The following HFM1 variants were observed in gnomAD, a reference collection of about 807,000 sequenced individuals.
HFM1 encodes the protein helicase for meiosis 1, also known as probable ATP-dependent DNA helicase HFM1.
HFM1 carries 169 observed loss-of-function variants against 192.1 expected under a neutral mutation model. That is an observed-to-expected ratio of 0.88 (90% CI 0.78 to 1.00). The LOEUF (loss-of-function observed/expected upper bound fraction) is 1.00, where lower values mean the gene tolerates loss of function less well. HFM1 is among the 50% of genes least tolerant of loss of function. The pLI is 0.00. For synonymous variants in HFM1, 525 were observed against 537.8 expected, an observed-to-expected ratio of 0.98 and a Z score of 0.33; for missense variants, 1,661 against 1,668.0, an observed-to-expected ratio of 1.00 and a Z score of 0.07.
chr1:91,359,792 C>A (rs572160386), intron 13 of HFM1, among the ~76,000 whole-genome samples: 1 of 152,050 alleles, frequency 6.6e-6, no homozygotes, highest in Non-Finnish European at 1.5e-5. Context: ...ATACTCCACA[C>A]GAACATCAAC....
At chr1:91,400,318 A>T (rs1664159442) in intron 2 of HFM1, among the ~76,000 whole-genome samples, 1 of 152,120 alleles carries the variant, frequency 6.6e-6, no homozygotes. Context: ...TAATGTGCCT[A>T]TCATACTTTG....
At chr1:91,381,960 G>C (rs191991848) in intron 6 of HFM1, among the ~76,000 whole-genome samples, 96 of 151,946 alleles carry the variant, frequency 6.3e-4, no homozygotes, top group Admixed American at 5.6e-3. Flanking sequence ...TGGCTATAAG[G>C]CTCCACATGA....
chr1:91,373,307 C>T (rs551367655), intron 13 of HFM1, among the ~76,000 whole-genome samples: 1 of 152,164 alleles, frequency 6.6e-6, no homozygotes, highest in East Asian at 1.9e-4. Context: ...CCCCACCATA[C>T]AAAATTAGGC....
Position 91,401,295 on chromosome 1 carries a change from C to A in HFM1, c.-27-186G>T, listed in dbSNP as rs2102215240. ...CATACATTATTCTCTGTTTTCCATT[C>A]ATTCATGGATTCACACTTGCTCCCT... On this transcript the variant is annotated intron_variant, in intron 1 of 38. Coordinates refer to ENST00000370425, the MANE Select transcript of HFM1 (RefSeq NM_001017975.6). 1.3e-5 allele frequency among the ~76,000 whole-genome samples: 2 copies of A among 152,326 alleles called. 1 individual carries two copies. Among genetic ancestry groups the A allele is most frequent in the South Asian group, 4.1e-4 (2 of 4,832 alleles).
chr1:91,274,859 T>A, intron 32 of HFM1, 50 bp from the exon 33 acceptor site: 1 of 902,332 alleles, frequency 1.1e-6, no homozygotes. Flanking sequence ...CATCAATAAC[T>A]TGTAACACAT....
Position 91,375,665 on chromosome 1 carries a change from A to G in HFM1, c.1458T>C (p.His486=). The G allele has an allele frequency of 6.2e-7, 1 of 1,613,440 alleles. No individual in the cohort carries two copies. Among genetic ancestry groups the G allele is most frequent in the Admixed American group, 1.7e-5 (1 of 59,904 alleles). The change falls in exon 12 of 39, where the codon CAT becomes CAC. Residue 486 remains histidine, a synonymous_variant. Coordinates refer to ENST00000370425, the MANE Select transcript of HFM1 (RefSeq NM_001017975.6). ...PAVCLKMDES[H]RPVKLQKVVL... ...CCACTTTCTGAAGTTTCACTGGTCTATGGCTCTCATCCATTTTCAGACACA... is the reference window on the plus strand; with the variant it reads ...CCACTTTCTGAAGTTTCACTGGTCTGTGGCTCTCATCCATTTTCAGACACA...
At chr1:91,390,703 G>A (rs1233204037) in intron 4 of HFM1, among the ~76,000 whole-genome samples, 1 of 152,278 alleles carries the variant, frequency 6.6e-6, no homozygotes, top group East Asian at 1.9e-4. Context: ...ACAAGACAGG[G>A]ATGCCCTCTC....
intron 11 of HFM1, among the ~76,000 whole-genome samples, chr1:91,376,650 G>GTAGT (rs1429304619): frequency 2.0e-5 from 3 of 151,616 alleles, no homozygotes; most frequent in African/African-American, 7.3e-5. Flanking sequence ...AGAACTCAAA[G>GTAGT]TAGTTGATAA....
At chr1:91,264,172 G>A (rs1374020589) in intron 36 of HFM1, among the ~76,000 whole-genome samples, 1 of 152,020 alleles carries the variant, frequency 6.6e-6, no homozygotes, top group African/African-American at 2.4e-5. Flanking sequence ...TGTCTTGGTA[G>A]AGGTGGCATG....
chr1:91,383,062 T>A (rs1661750933), intron 6 of HFM1, among the ~76,000 whole-genome samples: 1 of 152,150 alleles, frequency 6.6e-6, no homozygotes, highest in Admixed American at 6.6e-5. Flanking sequence ...AGTCTTCCAC[T>A]TTAAAATACA....
intron 2 of HFM1, among the ~76,000 whole-genome samples, chr1:91,397,336 C>T (rs1201421092): frequency 3.9e-5 from 6 of 152,120 alleles, no homozygotes; most frequent in African/African-American, 1.2e-4. Context: ...CAACTGTGAT[C>T]GTGTTAACTG....
chr1:91,353,279 G>T lies in HFM1; in HGVS notation c.1706C>A (p.Ser569Tyr). ...QKQRLQKYAY[S>Y]VRDSKLRDIL... is the part of the protein sequence containing the mutation. The stretch of plus-strand genomic sequence containing the variant: ...ACCTCTCAGTTTTGAATCTCTTACG[G>T]AATATGCATACTTCTGTAACCTATT... The change falls in exon 14 of 39, where the codon TCC becomes TAC. Residue 569 changes from serine to tyrosine, a missense_variant. Ser to Tyr is a moderately radical substitution (Grantham distance 144). Coordinates refer to ENST00000370425, the MANE Select transcript of HFM1 (RefSeq NM_001017975.6). 1.3e-6 allele frequency: 2 copies of T among 1,576,708 alleles called. No individual in the cohort carries two copies. The highest frequency in any genetic ancestry group is 1.7e-6 in the Non-Finnish European group (2 of 1,148,382).
intron 13 of HFM1, among the ~76,000 whole-genome samples, chr1:91,353,932 AAAAAACCAACC>A (rs1192883041): frequency 1.3e-5 from 2 of 151,048 alleles, no homozygotes; most frequent in Non-Finnish European, 3.0e-5. Flanking sequence ...TGAAAAAAAA[AAAAAACCAACC>A]AAAAAACCAG....
At chr1:91,270,374 C>CA (rs146518124) in intron 34 of HFM1, among the ~76,000 whole-genome samples, 1 of 145,782 alleles carries the variant, frequency 6.9e-6, no homozygotes, top group East Asian at 2.1e-4. Flanking sequence ...AAGAAGAAGA[C>CA]AGAGTTCAGA....
intron 13 of HFM1, among the ~76,000 whole-genome samples, chr1:91,373,457 T>C (rs760040772): frequency 6.6e-6 from 1 of 152,128 alleles, no homozygotes; most frequent in Non-Finnish European, 1.5e-5. Context: ...GTGCTAGCAC[T>C]CTGCTGAGAC....
At chr1:91,353,950 C>A (rs1657359737) in intron 13 of HFM1, among the ~76,000 whole-genome samples, 2 of 144,196 alleles carry the variant, frequency 1.4e-5, no homozygotes. Flanking sequence ...AACCAAAAAA[C>A]CAGGAAATAC....
chr1:91,324,801 C>T (rs751511621), intron 20 of HFM1, 35 bp from the exon 21 acceptor site: 3 of 1,110,880 alleles, frequency 2.7e-6, no homozygotes, highest in Non-Finnish European at 4.1e-6. Flanking sequence ...ACGGTCCCCT[C>T]ATCAGCTGAA....
At chr1:91,312,367 T>G (rs943373827) in intron 30 of HFM1, among the ~76,000 whole-genome samples, 1 of 152,030 alleles carries the variant, frequency 6.6e-6, no homozygotes, top group Admixed American at 6.5e-5. Context: ...GCCACAGGGG[T>G]GGATCTTCCC....
chr1:91,353,300 C>A lies in HFM1; in HGVS notation c.1686-1G>T, dbSNP rs780754362. On this transcript the variant is annotated splice_acceptor_variant, in intron 13 of 38. Transcript: ENST00000370425. LOFTEE classifies it high-confidence loss of function. ...TACGGAATATGCATACTTCTGTAAC[C>A]TATTTAAAAATACCATAAAATTATT... 56 of 1,525,068 alleles carry A rather than the reference C, an allele frequency of 3.7e-5. No homozygotes were observed. Among genetic ancestry groups the A allele is most frequent in the Non-Finnish European group, 4.8e-5 (53 of 1,109,828 alleles). 94.5% of individuals were successfully genotyped at this position (1,525,068 alleles called of 1,614,324 possible). A position where few individuals can be genotyped will look rare whatever the true frequency, so the allele number is the denominator to read the frequency against.
Sources: allele counts gnomAD v4.1 joint callset (sites outside exome capture counted in the v4.1 genomes callset), GRCh38; gene constraint gnomAD v4.1.1; transcripts MANE v1.5; gene names NCBI Gene and HGNC (gene_info 2026-07-23, HGNC 2026-07-21).